The following KLHL2 variants were observed in gnomAD, a reference collection of about 807,000 sequenced individuals.
KLHL2 encodes kelch like family member 2, also known as kelch-like protein 2.
Under a neutral mutation model 75.8 loss-of-function variants are expected in KLHL2, and 15 were observed. The ratio of observed to expected loss-of-function variants is 0.20; its 90% CI spans 0.13 to 0.30. The LOEUF is 0.30. KLHL2 is among the 10% of genes least tolerant of loss of function. The pLI is 1.00. For missense variants in KLHL2, 381 were observed against 741.0 expected (o/e 0.51, Z 5.64); for synonymous variants, 214 against 251.9 (o/e 0.85, Z 1.42).
intron 5 of KLHL2, among the ~76,000 whole-genome samples, chr4:165,285,814 T>C (rs59263314): frequency 0.063 from 9,557 of 152,070 alleles, 587 homozygotes; most frequent in African/African-American, 0.16. Context: ...AAAATGACTG[T>C]GACTAAGACT....
At chr4:165,222,248 G>T (rs1294136762) in intron 2 of KLHL2, among the ~76,000 whole-genome samples, 1 of 152,198 alleles carries the variant, frequency 6.6e-6, no homozygotes, top group Non-Finnish European at 1.5e-5. Context: ...GGAATGGACA[G>T]GATGGTGTCT....
At chr4:165,297,349 T>C (rs1396299007) in intron 6 of KLHL2, among the ~76,000 whole-genome samples, 1 of 152,154 alleles carries the variant, frequency 6.6e-6, no homozygotes, top group Non-Finnish European at 1.5e-5. Flanking sequence ...ATGAATTGTT[T>C]ATAAGGATAC....
intron 7 of KLHL2, among the ~76,000 whole-genome samples, chr4:165,297,928 A>G (rs1745039909): frequency 6.6e-6 from 1 of 152,110 alleles, no homozygotes; most frequent in African/African-American, 2.4e-5. Flanking sequence ...GGCTCAAGTG[A>G]TTCTTGTACC....
chr4:165,252,792 A>G (rs912724615), intron 4 of KLHL2: 1 of 152,178 alleles, frequency 6.6e-6, no homozygotes, highest in Non-Finnish European at 1.5e-5. Flanking sequence ...TTTGGATTCT[A>G]TCAGGTAGGA....
chr4:165,311,607 T>C (rs1746189944), intron 11 of KLHL2, 42 bp downstream of exon 11: 5 of 1,375,126 alleles, frequency 3.6e-6, no homozygotes, highest in Non-Finnish European at 4.1e-6. Flanking sequence ...GGCATTTTGA[T>C]CCTTGAGAGT....
chr4:165,255,742 T>C (rs1213183289), intron 4 of KLHL2, among the ~76,000 whole-genome samples: 2 of 152,132 alleles, frequency 1.3e-5, no homozygotes, highest in African/African-American at 4.8e-5. Flanking sequence ...CACCCTTGCC[T>C]ACCTTCTCCC....
intron 7 of KLHL2, among the ~76,000 whole-genome samples, chr4:165,297,931 C>A (rs1221026686): frequency 6.6e-6 from 1 of 152,184 alleles, no homozygotes; most frequent in Non-Finnish European, 1.5e-5. Context: ...TCAAGTGATT[C>A]TTGTACCTCT....
At chr4:165,209,185 T>C (rs964903108) in intron 1 of KLHL2, among the ~76,000 whole-genome samples, 1 of 152,148 alleles carries the variant, frequency 6.6e-6, no homozygotes, top group Non-Finnish European at 1.5e-5. Context: ...GATTTGGTCA[T>C]GTTCTTCAGC....
chr4:165,321,365 C>T (rs1431498906), intron 14 of KLHL2: 1 of 453,008 alleles, frequency 2.2e-6, no homozygotes, highest in Non-Finnish European at 4.4e-6. Flanking sequence ...TCCACTTCCC[C>T]TTAATGAATA....
intron 10 of KLHL2, 64 bp from the exon 11 acceptor site, chr4:165,311,400 C>T (rs943156042): frequency 6.1e-6 from 7 of 1,146,894 alleles, no homozygotes; most frequent in Middle Eastern, 2.0e-4. Flanking sequence ...AAGTATTTTT[C>T]CATATATATG....
chr4:165,280,957 C>A (rs1383625789), intron 5 of KLHL2, among the ~76,000 whole-genome samples: 1 of 152,188 alleles, frequency 6.6e-6, no homozygotes, highest in Admixed American at 6.5e-5. Flanking sequence ...TAGTCTAACA[C>A]TTTCATTTTA....
chr4:165,289,920 A>G (rs1270391958), intron 5 of KLHL2, among the ~76,000 whole-genome samples: 1 of 152,224 alleles, frequency 6.6e-6, no homozygotes, highest in African/African-American at 2.4e-5. Flanking sequence ...CAGATTTAAA[A>G]TATACAGAAG....
intron 11 of KLHL2, among the ~76,000 whole-genome samples, chr4:165,312,939 A>G (rs1746314719): frequency 6.6e-6 from 1 of 152,150 alleles, no homozygotes; most frequent in Admixed American, 6.5e-5. Context: ...GATGTTGTTC[A>G]CTTATCAAAT....
intron 9 of KLHL2, among the ~76,000 whole-genome samples, chr4:165,307,589 G>A (rs1745834710): frequency 6.6e-6 from 1 of 152,108 alleles, no homozygotes; most frequent in South Asian, 2.1e-4. Flanking sequence ...GATAGTCCCA[G>A]AGTCTTTTCT....
rs952380685 is a variant in KLHL2 at position 165,280,451 on chromosome 4, C to T, written c.545-13908C>T. Among the ~76,000 whole-genome samples the T allele has an allele frequency of 4.6e-5, 7 of 152,326 alleles. 1 individual carries two copies. The highest frequency in any genetic ancestry group is 1.3e-4 in the Admixed American group (2 of 15,288). ...GAATAAACATCGGTTAGAATAAGCT[C>T]ATGATTTGAATGCCACCCTCTTGAA... On this transcript the variant is annotated intron_variant, in intron 5 of 14. Transcript: ENST00000226725.
intron 2 of KLHL2, among the ~76,000 whole-genome samples, chr4:165,227,527 A>T (rs1409889592): frequency 2.6e-5 from 4 of 152,194 alleles, no homozygotes; most frequent in Non-Finnish European, 5.9e-5. Context: ...TAGGAAATAG[A>T]ACAGTAGAGG....
intron 2 of KLHL2, among the ~76,000 whole-genome samples, chr4:165,228,510 C>T (rs2111035123): frequency 6.6e-6 from 1 of 152,128 alleles, no homozygotes; most frequent in East Asian, 1.9e-4. Context: ...TTTTGCAGTC[C>T]ATTGATGGTT....
rs1177181362 is a variant in KLHL2, at chr4:165,297,670, C to T, written c.716C>T (p.Ala239Val). 1.2e-6 allele frequency: 2 copies of T among 1,613,760 alleles called. No individual in the cohort carries two copies. Among genetic ancestry groups the T allele is most frequent in the Non-Finnish European group, 1.7e-6 (2 of 1,179,800 alleles). The change falls in exon 7 of 15, where the codon GCC (alanine) becomes GTC (valine). Residue 239 changes from alanine to valine, a missense_variant. Ala to Val is a moderately conservative substitution (Grantham distance 64, BLOSUM62 0). This residue lies in a region of KLHL2 where 111 missense variants were observed against 150.1 expected (regional missense o/e 0.74). Transcript: ENST00000226725. ...HDKDVRQEFMARLMEHVRLPL... is the reference protein window; with the variant it reads ...HDKDVRQEFMVRLMEHVRLPL... ...AAGGATGTGAGGCAAGAGTTTATGG[C>T]CCGACTGATGGAACATGTACGGTTA...
Position 165,297,662 on chromosome 4 carries a change from G to A in KLHL2, c.708G>A (p.Glu236=), listed in dbSNP as rs1435293450. ...ACCATGACAAGGATGTGAGGCAAGAGTTTATGGCCCGACTGATGGAACATG... is the reference window on the plus strand; with the variant it reads ...ACCATGACAAGGATGTGAGGCAAGAATTTATGGCCCGACTGATGGAACATG... ...WVNHDKDVRQ[E]FMARLMEHVR... Residue 236 remains glutamate (E), a synonymous_variant, in exon 7 of 15, where the codon GAG becomes GAA. Transcript: ENST00000226725. The A allele has an allele frequency of 1.9e-6, 3 of 1,613,984 alleles. No individual in the cohort carries two copies. Among genetic ancestry groups the A allele is most frequent in the African/African-American group, 2.7e-5 (2 of 74,920 alleles).
Sources: allele counts gnomAD v4.1 joint callset (sites outside exome capture counted in the v4.1 genomes callset), GRCh38; gene constraint gnomAD v4.1.1; regional missense constraint gnomAD v4.1.1; transcripts MANE v1.5; gene names NCBI Gene and HGNC (gene_info 2026-07-23, HGNC 2026-07-21).